SEMA5A: variants seen among roughly 807,000 people sequenced by gnomAD.
SEMA5A encodes semaphorin 5A.
Under a neutral mutation model 135.5 loss-of-function variants are expected in SEMA5A, and 55 were observed. The ratio of observed to expected loss-of-function variants is 0.41; its 90% CI spans 0.33 to 0.51. SEMA5A has a LOEUF of 0.51. SEMA5A is among the 20% of genes least tolerant of loss of function. The pLI, the probability that SEMA5A is intolerant of heterozygous loss-of-function variation, is 0.37. For synonymous variants in SEMA5A, 580 were observed against 546.5 expected (o/e 1.06, Z -0.85); for missense variants, 1,290 against 1,419.9 (o/e 0.91, Z 1.47).
chr5:9,457,529 G>C (rs1336369092), intron 1 of SEMA5A, among the ~76,000 whole-genome samples: 1 of 152,112 alleles, frequency 6.6e-6, no homozygotes, highest in African/African-American at 2.4e-5. Flanking sequence ...TGACACCAAA[G>C]GGCTGATGGT....
chr5:9,482,035 C>T (rs1759897160), intron 1 of SEMA5A, among the ~76,000 whole-genome samples: 1 of 152,178 alleles, frequency 6.6e-6, no homozygotes, highest in Non-Finnish European at 1.5e-5. Flanking sequence ...AGTTTCAGTG[C>T]CTCATGAAAT....
chr5:9,056,598 T>G (rs1736906766), intron 18 of SEMA5A, among the ~76,000 whole-genome samples: 1 of 152,198 alleles, frequency 6.6e-6, no homozygotes, highest in Non-Finnish European at 1.5e-5. Context: ...GGTGCAAATC[T>G]GTCACCCTCA....
intron 2 of SEMA5A, among the ~76,000 whole-genome samples, chr5:9,404,333 G>A (rs577405089): frequency 2.0e-5 from 3 of 152,104 alleles, no homozygotes; most frequent in Admixed American, 6.5e-5. Context: ...GGTGATACGC[G>A]TTTTCATTAG....
At chr5:9,071,531 T>TAAGTCTAC (rs1737768958) in intron 16 of SEMA5A, among the ~76,000 whole-genome samples, 1 of 152,194 alleles carries the variant, frequency 6.6e-6, no homozygotes, top group Non-Finnish European at 1.5e-5. Context: ...AAGTAACAGA[T>TAAGTCTAC]AAGTCTACTG....
chr5:9,491,615 G>A (rs1193074134), intron 1 of SEMA5A, among the ~76,000 whole-genome samples: 1 of 152,148 alleles, frequency 6.6e-6, no homozygotes, highest in Non-Finnish European at 1.5e-5. Flanking sequence ...GTCAGGTTTA[G>A]ATTTCTATCA....
chr5:9,411,056 C>T (rs1233639952), intron 2 of SEMA5A, among the ~76,000 whole-genome samples: 2 of 151,132 alleles, frequency 1.3e-5, no homozygotes, highest in Non-Finnish European at 1.5e-5. Context: ...TACTGTGTAA[C>T]CTAAATAAAA....
chr5:9,273,173 A>T (rs1750075213), intron 5 of SEMA5A, among the ~76,000 whole-genome samples: 1 of 152,172 alleles, frequency 6.6e-6, no homozygotes, highest in Admixed American at 6.5e-5. Flanking sequence ...AAACACAGCA[A>T]GAGAAATTCG....
chr5:9,543,777 G>A (rs897974317), intron 1 of SEMA5A, among the ~76,000 whole-genome samples: 1 of 149,440 alleles, frequency 6.7e-6, no homozygotes, highest in Non-Finnish European at 1.5e-5. Flanking sequence ...AAACTCAAGG[G>A]AAAAAACATC....
chr5:9,042,779 T>G lies in SEMA5A; in HGVS notation c.*118A>C, dbSNP rs370787102. 1.9e-5 allele frequency: 24 copies of G among 1,288,328 alleles called. No homozygotes were observed. The African/African-American group carries it at 2.7e-4, about 14-fold the overall frequency. The allele number at this position is 1,288,328 out of a possible 1,614,324, so 79.8% of individuals were successfully genotyped here. On this transcript the variant is annotated 3_prime_UTR_variant, in exon 23 of 23. Coordinates refer to ENST00000382496, the MANE Select transcript of SEMA5A (RefSeq NM_003966.3). ...GCAGCAATGGGACACTCTGGTGGCT[T>G]GAAATGCACTTGAAATGTATCCAAA... is the stretch of plus-strand genomic sequence containing the variant.
chr5:9,076,749 T>C (rs781702877), intron 16 of SEMA5A, among the ~76,000 whole-genome samples: 12 of 152,186 alleles, frequency 7.9e-5, no homozygotes, highest in South Asian at 6.2e-4. Context: ...TATTTGTAGA[T>C]AAATGCTTCA....
chr5:9,054,088 T>C lies in SEMA5A; in HGVS notation c.2688A>G (p.Pro896=). Residue 896 remains proline (P), a splice_region_variant and synonymous_variant, in exon 19 of 23, where the codon CCA becomes CCG. Transcript: ENST00000382496. ...EEALCNTQPC[P]ESWSEWSDWS... is the part of the protein sequence containing the mutation. ...TGCAGTAGGTGAGGTGCCGCTTACC[T>C]GGGCAGGGCTGCGTGTTGCAGAGTG... is the stretch of plus-strand genomic sequence containing the variant. 6.2e-7 allele frequency: 1 copy of C among 1,603,554 alleles called. No homozygotes were observed. The highest frequency in any genetic ancestry group is 1.1e-5 in the South Asian group (1 of 89,262).
chr5:9,288,163 G>T (rs902120603), intron 5 of SEMA5A, among the ~76,000 whole-genome samples: 5 of 152,176 alleles, frequency 3.3e-5, no homozygotes, highest in Admixed American at 3.3e-4. Context: ...TAGGAATTAC[G>T]TGACACCATC....
chr5:9,052,944 A>G (rs2150046323), intron 19 of SEMA5A, among the ~76,000 whole-genome samples: 1 of 152,328 alleles, frequency 6.6e-6, no homozygotes, highest in Admixed American at 6.5e-5. Context: ...TTGAAAATCA[A>G]ACTTGTGCTT....
At chr5:9,457,900 CTTTTTTTTTTTTT>C (rs70943966) in intron 1 of SEMA5A, among the ~76,000 whole-genome samples, 2 of 70,182 alleles carry the variant, frequency 2.8e-5, no homozygotes, top group East Asian at 4.4e-4. Context: ...AGCATCTCTC[CTTTTTTTTTTTTT>C]TTTTTTTTTT....
chr5:9,404,527 A>G (rs906151612), intron 2 of SEMA5A, among the ~76,000 whole-genome samples: 5 of 152,226 alleles, frequency 3.3e-5, no homozygotes, highest in African/African-American at 4.8e-5. Flanking sequence ...GCGAAGGCTA[A>G]ATCATTTATA....
chr5:9,444,182 AT>A (rs200183282), intron 1 of SEMA5A, among the ~76,000 whole-genome samples: 96 of 150,512 alleles, frequency 6.4e-4, no homozygotes, highest in African/African-American at 1.7e-3. Context: ...ATTTTTTTTA[AT>A]TTTTTTTTTA....
intron 5 of SEMA5A, among the ~76,000 whole-genome samples, chr5:9,262,829 T>A (rs1270865430): frequency 8.1e-6 from 1 of 123,152 alleles, no homozygotes; most frequent in African/African-American, 3.2e-5. Flanking sequence ...CGCACCAGCA[T>A]GGCACATGTA....
chr5:9,299,108 A>G (rs3734150), intron 5 of SEMA5A, among the ~76,000 whole-genome samples: 114,046 of 143,498 alleles, frequency 0.79, 44,583 homozygotes, highest in Non-Finnish European at 0.88. Flanking sequence ...GATGGTGGGC[A>G]TCACTGTTCA....
chr5:9,429,181 G>C (rs184864404), intron 2 of SEMA5A, among the ~76,000 whole-genome samples: 1 of 152,288 alleles, frequency 6.6e-6, no homozygotes, highest in Admixed American at 6.5e-5. Flanking sequence ...TGAACAATGT[G>C]GGGGAAATTA....
Sources: allele counts gnomAD v4.1 joint callset (sites outside exome capture counted in the v4.1 genomes callset), GRCh38; gene constraint gnomAD v4.1.1; transcripts MANE v1.5; gene names NCBI Gene and HGNC (gene_info 2026-07-23, HGNC 2026-07-21).